Variants in BBS9 observed in about 807,000 individuals in gnomAD.
The protein encoded by BBS9 is protein PTHB1.
Under a neutral mutation model 117.7 loss-of-function variants are expected in BBS9, and 89 were observed. That is an observed-to-expected ratio of 0.76 (90% confidence interval 0.64 to 0.90). The LOEUF (loss-of-function observed/expected upper bound fraction) is 0.90, where lower values mean the gene tolerates loss of function less well. BBS9 is among the 40% of genes least tolerant of loss of function. The pLI is 0.00. For missense variants in BBS9, 982 were observed against 1,042.2 expected, an observed-to-expected ratio of 0.94 and a Z score of 0.80; for synonymous variants, 379 against 370.9, an observed-to-expected ratio of 1.02 and a Z score of -0.25.
intron 6 of BBS9, among the ~76,000 whole-genome samples, chr7:33,261,853 C>A (rs990151344): frequency 6.6e-6 from 1 of 152,174 alleles, no homozygotes; most frequent in Non-Finnish European, 1.5e-5. Flanking sequence ...ACATGTATGG[C>A]ACTCTTTCAT....
At chr7:33,563,975 C>T (rs1442831740) in intron 21 of BBS9, among the ~76,000 whole-genome samples, 1 of 152,120 alleles carries the variant, frequency 6.6e-6, no homozygotes, top group Non-Finnish European at 1.5e-5. Context: ...CTTACTGGAA[C>T]TTATGCTTTA....
At chr7:33,398,788 G>A (rs1298167728) in intron 19 of BBS9, among the ~76,000 whole-genome samples, 1 of 152,082 alleles carries the variant, frequency 6.6e-6, no homozygotes, top group Admixed American at 6.6e-5. Context: ...ACCCAGGCTA[G>A]AGTACGGTGG....
chr7:33,564,118 TC>T (rs1856510170), intron 21 of BBS9, among the ~76,000 whole-genome samples: 3 of 151,816 alleles, frequency 2.0e-5, no homozygotes, highest in Non-Finnish European at 4.4e-5. Flanking sequence ...CACCTCCCCT[TC>T]TTTGTTTTAT....
intron 21 of BBS9, among the ~76,000 whole-genome samples, chr7:33,586,583 C>T (rs1243968094): frequency 6.6e-6 from 1 of 152,038 alleles, no homozygotes; most frequent in Admixed American, 6.6e-5. Flanking sequence ...TTCCCAAAGA[C>T]ACATGTACTT....
At chr7:33,605,045 C>G in intron 22 of BBS9, 70 bp downstream of exon 22, 1 of 1,491,550 alleles carries the variant, frequency 6.7e-7, no homozygotes, top group Non-Finnish European at 9.4e-7. Context: ...CAGTTTTTGT[C>G]ATACCAGAGA....
chr7:33,452,008 A>G (rs540427303), intron 19 of BBS9, among the ~76,000 whole-genome samples: 1 of 151,896 alleles, frequency 6.6e-6, no homozygotes, highest in South Asian at 2.1e-4. Flanking sequence ...TAATTTTTGT[A>G]TTTTTAGTAG....
chr7:33,446,672 T>A (rs1488802855), intron 19 of BBS9, among the ~76,000 whole-genome samples: 1 of 152,230 alleles, frequency 6.6e-6, no homozygotes, highest in Non-Finnish European at 1.5e-5. Context: ...TTGTCTTATC[T>A]GCAGTTCTTT....
intron 17 of BBS9, among the ~76,000 whole-genome samples, chr7:33,383,018 C>A (rs1457237757): frequency 6.6e-6 from 1 of 152,140 alleles, no homozygotes; most frequent in Non-Finnish European, 1.5e-5. Flanking sequence ...GGTGTTATTA[C>A]CACCTCTCTT....
chr7:33,248,032 T>C (rs1197052314), intron 5 of BBS9, among the ~76,000 whole-genome samples: 1 of 152,212 alleles, frequency 6.6e-6, no homozygotes, highest in African/African-American at 2.4e-5. Context: ...TGTGAGGCAA[T>C]TAAAATTTGC....
intron 21 of BBS9, among the ~76,000 whole-genome samples, chr7:33,536,688 G>GCCCCCTGCCTTCCCCC (rs1851458233): frequency 2.0e-5 from 1 of 50,914 alleles, no homozygotes; most frequent in East Asian, 5.5e-4. Flanking sequence ...CCTTCCCCCC[G>GCCCCCTGCCTTCCCCC]CCCCCCGCCT....
chr7:33,529,777 A>C (rs546808228), intron 20 of BBS9, among the ~76,000 whole-genome samples: 15 of 152,176 alleles, frequency 9.9e-5, no homozygotes, highest in Non-Finnish European at 1.8e-4. Flanking sequence ...CCCTTCCAGA[A>C]ATTTTTAGTG....
intron 19 of BBS9, among the ~76,000 whole-genome samples, chr7:33,455,723 G>C (rs116370193): frequency 6.6e-6 from 1 of 152,234 alleles, no homozygotes; most frequent in South Asian, 2.1e-4. Flanking sequence ...TAAAAAGGCC[G>C]TGTCTGAATT....
At chr7:33,325,754 G>A (rs1157142907) in intron 9 of BBS9, among the ~76,000 whole-genome samples, 1 of 152,188 alleles carries the variant, frequency 6.6e-6, no homozygotes, top group African/African-American at 2.4e-5. Flanking sequence ...TATCACCTTG[G>A]TGGACTTGGT....
At chr7:33,325,551 T>C (rs561155424) in intron 9 of BBS9, among the ~76,000 whole-genome samples, 8 of 152,232 alleles carry the variant, frequency 5.3e-5, no homozygotes, top group Non-Finnish European at 8.8e-5. Context: ...TATTCATCAG[T>C]GTCTGGGCAT....
chr7:33,508,224 T>G (rs1450096609), intron 20 of BBS9, among the ~76,000 whole-genome samples: 1 of 152,248 alleles, frequency 6.6e-6, no homozygotes, highest in Non-Finnish European at 1.5e-5. Flanking sequence ...AAGGAAGGAC[T>G]GAAAGGAAAA....
At chr7:33,451,290 C>T (rs1173894107) in intron 19 of BBS9, among the ~76,000 whole-genome samples, 2 of 152,174 alleles carry the variant, frequency 1.3e-5, no homozygotes, top group Non-Finnish European at 2.9e-5. Flanking sequence ...TGTTATAAAG[C>T]TTTTCCCCTA....
At chr7:33,220,971 G>A (rs1461012843) in intron 5 of BBS9, among the ~76,000 whole-genome samples, 1 of 152,200 alleles carries the variant, frequency 6.6e-6, no homozygotes, top group Non-Finnish European at 1.5e-5. Context: ...AAGTGTAAGA[G>A]AAAAATCTAA....
intron 9 of BBS9, among the ~76,000 whole-genome samples, chr7:33,286,341 C>G (rs1054123387): frequency 6.6e-5 from 10 of 152,020 alleles, no homozygotes; most frequent in Non-Finnish European, 1.5e-4. Flanking sequence ...GGGTTGTAGC[C>G]AAAAGGAAAG....
At chr7:33,343,893 C>T (rs1240271472) in intron 11 of BBS9, among the ~76,000 whole-genome samples, 2 of 152,056 alleles carry the variant, frequency 1.3e-5, no homozygotes, top group Non-Finnish European at 2.9e-5. Flanking sequence ...ACATACCTTA[C>T]ACAGGGTGAA....
Sources: gnomAD v4.1 joint callset for allele counts (sites outside exome capture counted in the v4.1 genomes callset) on GRCh38, gnomAD v4.1.1 for gene constraint, MANE v1.5 for transcripts, NCBI Gene and HGNC (gene_info 2026-07-23, HGNC 2026-07-21) for gene names.